LRRC72: variants seen among roughly 807,000 people sequenced by gnomAD.
LRRC72 encodes the protein leucine-rich repeat-containing protein 72.
In LRRC72, 41 loss-of-function variants were observed where a neutral mutation model predicts 35.8. The observed-to-expected ratio is 1.15, with a 90% CI of 0.89 to 1.49. LRRC72 has a LOEUF of 1.49. Among genes scored for constraint, LRRC72 ranks in the 40% most tolerant of loss-of-function variants. The pLI is 0.00. For synonymous variants in LRRC72, 118 were observed against 119.2 expected (o/e 0.99, Z 0.07); for missense variants, 389 against 330.7 (o/e 1.18, Z -1.37).
At chr7:16,569,211 T>C (rs180874519) in intron 7 of LRRC72, among the ~76,000 whole-genome samples, 2 of 152,182 alleles carry the variant, frequency 1.3e-5, no homozygotes, top group East Asian at 3.9e-4. Context: ...GCAGATCACC[T>C]GAGGTCGGGA....
Position 16,581,510 on chromosome 7 carries a change from C to A in LRRC72, c.*21C>A, listed in dbSNP as rs764341512. On this transcript the variant is annotated 3_prime_UTR_variant, in exon 9 of 9. Coordinates refer to ENST00000401542, the MANE Select transcript of LRRC72 (RefSeq NM_001195280.2). Reference sequence around the variant, plus strand: ...GATAAGCCCTGGTATTTCTAGATATCTTAGTGGTTTTCAGTTGTATATTAA... The same window carrying A: ...GATAAGCCCTGGTATTTCTAGATATATTAGTGGTTTTCAGTTGTATATTAA... The A allele has an allele frequency of 2.0e-6, 3 of 1,502,814 alleles. No individual in the cohort carries two copies. Among genetic ancestry groups the A allele is most frequent in the African/African-American group, 1.4e-5 (1 of 71,606 alleles). The allele number at this position is 1,502,814 out of a possible 1,614,324, so 93.1% of individuals were successfully genotyped here.
intron 7 of LRRC72, among the ~76,000 whole-genome samples, chr7:16,573,207 C>T (rs759637876): frequency 1.3e-5 from 2 of 152,130 alleles, no homozygotes; most frequent in Non-Finnish European, 2.9e-5. Flanking sequence ...GAATCACTAT[C>T]GTGAAAATGG....
intron 5 of LRRC72, among the ~76,000 whole-genome samples, chr7:16,565,755 A>T (rs554874184): frequency 6.6e-6 from 1 of 152,310 alleles, no homozygotes; most frequent in Admixed American, 6.5e-5. Context: ...GGTAGACAAG[A>T]TGCAAGAGCC....
intron 5 of LRRC72, among the ~76,000 whole-genome samples, chr7:16,559,732 G>A (rs28671496): frequency 6.6e-6 from 1 of 151,880 alleles, no homozygotes. Flanking sequence ...GAGAGTAAAG[G>A]GTGTGGGGTT....
chr7:16,566,423 C>T, intron 6 of LRRC72, 21 bp downstream of exon 6: 1 of 1,488,160 alleles, frequency 6.7e-7, no homozygotes, highest in East Asian at 2.5e-5. Context: ...TTCCTTCTTG[C>T]AAAGAAATAT....
chr7:16,566,733 A>C (rs1430579845), intron 6 of LRRC72, among the ~76,000 whole-genome samples: 1 of 152,142 alleles, frequency 6.6e-6, no homozygotes. Flanking sequence ...TTATCTCAAA[A>C]GTGAGGGAAT....
chr7:16,533,850 A>T (rs1192253628), intron 2 of LRRC72, among the ~76,000 whole-genome samples: 1 of 152,172 alleles, frequency 6.6e-6, no homozygotes, highest in Non-Finnish European at 1.5e-5. Context: ...GCCTCTCGAT[A>T]TAGGTCAGTT....
chr7:16,556,600 T>C (rs573582518), intron 3 of LRRC72, among the ~76,000 whole-genome samples: 1 of 152,216 alleles, frequency 6.6e-6, no homozygotes, highest in East Asian at 1.9e-4. Context: ...TAAACTGAGA[T>C]CTGTTTACTA....
In LRRC72 at chr7:16,551,338, TC is replaced by T. The variant is rs200376610; in HGVS notation, c.235-6021del. 3.6e-3 allele frequency among the ~76,000 whole-genome samples: 547 copies of T among 152,312 alleles called. 1 individual carries two copies. The highest frequency in any genetic ancestry group is 0.013 in the African/African-American group (523 of 41,570). ...TGAAATATATGTTTAGTCCCAGTCC[TC>T]ATTTCCTGGCATACAACTCCCCAAA... On this transcript the variant is annotated intron_variant, in intron 3 of 8. Coordinates refer to ENST00000401542, the MANE Select transcript of LRRC72 (RefSeq NM_001195280.2).
At chr7:16,563,219 T>G (rs749319338) in intron 5 of LRRC72, among the ~76,000 whole-genome samples, 3 of 152,228 alleles carry the variant, frequency 2.0e-5, no homozygotes, top group Non-Finnish European at 2.9e-5. Context: ...TAAATAATGA[T>G]TTTAAATTCT....
At chr7:16,533,010 C>T (rs1782195032) in intron 2 of LRRC72, among the ~76,000 whole-genome samples, 1 of 152,256 alleles carries the variant, frequency 6.6e-6, no homozygotes, top group Admixed American at 6.5e-5. Flanking sequence ...TGTATTTTAT[C>T]TGGCAACGCT....
chr7:16,573,942 G>A (rs115790266), intron 7 of LRRC72, among the ~76,000 whole-genome samples: 2 of 152,062 alleles, frequency 1.3e-5, no homozygotes, highest in Non-Finnish European at 2.9e-5. Flanking sequence ...ACAAGGAACT[G>A]AAACAAATTT....
At chr7:16,559,597 C>A (rs1782709606) in intron 5 of LRRC72, among the ~76,000 whole-genome samples, 1 of 152,028 alleles carries the variant, frequency 6.6e-6, no homozygotes, top group African/African-American at 2.4e-5. Flanking sequence ...AGTTTTAACA[C>A]ATATGATTCC....
chr7:16,537,464 A>G (rs983978170), intron 2 of LRRC72, among the ~76,000 whole-genome samples, 163 bp from the exon 3 acceptor site: 1 of 152,256 alleles, frequency 6.6e-6, no homozygotes, highest in Non-Finnish European at 1.5e-5. Context: ...GAATGAAGTT[A>G]TAATGATGGA....
chr7:16,578,346 G>T (rs1223843128), intron 7 of LRRC72, among the ~76,000 whole-genome samples: 1 of 152,024 alleles, frequency 6.6e-6, no homozygotes, highest in Non-Finnish European at 1.5e-5. Context: ...GGTAGCAGGC[G>T]CCTGTAATCC....
intron 7 of LRRC72, among the ~76,000 whole-genome samples, chr7:16,570,787 T>A (rs1240644997): frequency 6.6e-6 from 1 of 152,080 alleles, no homozygotes; most frequent in Non-Finnish European, 1.5e-5. Context: ...ACCACTGCAC[T>A]CCAACAGAAC....
chr7:16,570,052 A>C (rs1478403365), intron 7 of LRRC72, among the ~76,000 whole-genome samples: 1 of 152,048 alleles, frequency 6.6e-6, no homozygotes, highest in Non-Finnish European at 1.5e-5. Flanking sequence ...AAAAAAAAAA[A>C]AGAATTCACA....
At chr7:16,542,304 G>A (rs747741263) in intron 3 of LRRC72, among the ~76,000 whole-genome samples, 1 of 152,134 alleles carries the variant, frequency 6.6e-6, no homozygotes, top group Non-Finnish European at 1.5e-5. Flanking sequence ...AAGGGGTGGG[G>A]CAGGAAAGGA....
intron 1 of LRRC72, among the ~76,000 whole-genome samples, chr7:16,532,186 C>T (rs535145959): frequency 6.6e-6 from 1 of 152,084 alleles, no homozygotes; most frequent in Non-Finnish European, 1.5e-5. Context: ...TCTTTAAAGA[C>T]CAAATTACCT....
Sources: allele counts gnomAD v4.1 joint callset (sites outside exome capture counted in the v4.1 genomes callset), GRCh38; gene constraint gnomAD v4.1.1; transcripts MANE v1.5; gene names NCBI Gene and HGNC (gene_info 2026-07-23, HGNC 2026-07-21).